Variants in CNNM1 observed in about 807,000 individuals in gnomAD.
CNNM1 encodes the protein metal transporter CNNM1.
CNNM1 carries 44 observed loss-of-function variants against 78.8 expected under a neutral mutation model. The ratio of observed to expected loss-of-function variants is 0.56; its 90% CI spans 0.44 to 0.72. CNNM1 has a LOEUF of 0.72. Among genes scored for constraint, CNNM1 ranks in the 30% least tolerant of loss-of-function variants. CNNM1 has a pLI of 0.00. For missense variants in CNNM1, 1,101 were observed against 1,292.2 expected (o/e 0.85, Z 2.27); for synonymous variants, 584 against 581.5 (o/e 1.00, Z -0.06).
intron 6 of CNNM1, among the ~76,000 whole-genome samples, chr10:99,371,520 C>A (rs777693887): frequency 1.5e-4 from 23 of 152,046 alleles, no homozygotes; most frequent in Non-Finnish European, 3.1e-4. Flanking sequence ...TTTCAGTGCT[C>A]GGTTATCTAT....
chr10:99,331,323 G>T lies in CNNM1; in HGVS notation c.1573+363G>T, dbSNP rs1036958604. Among the ~76,000 whole-genome samples the T allele has an allele frequency of 7.2e-5, 11 of 152,302 alleles. No homozygotes were observed. In the East Asian group the frequency reaches 2.1e-3, roughly 29 times the overall value. On this transcript the variant is annotated intron_variant, in intron 1 of 10. Coordinates refer to ENST00000356713, the MANE Select transcript of CNNM1 (RefSeq NM_020348.3). ...ACCTATTACAGGAGACACCTCTGCA[G>T]GTTCCCATACAAGCAGCCTTTGCTT... is the stretch of plus-strand genomic sequence containing the variant.
At chr10:99,380,458 G>A (rs191004451) in intron 7 of CNNM1, among the ~76,000 whole-genome samples, 13 of 152,288 alleles carry the variant, frequency 8.5e-5, no homozygotes, top group Middle Eastern at 6.8e-3. Flanking sequence ...AATGTGCTAA[G>A]ATGATCACCT....
At chr10:99,336,945 A>G (rs540887672) in intron 1 of CNNM1, among the ~76,000 whole-genome samples, 1 of 152,320 alleles carries the variant, frequency 6.6e-6, no homozygotes, top group South Asian at 2.1e-4. Context: ...TGTCTCAAAA[A>G]AAGAACATAA....
rs563639855 is a variant in CNNM1 at position 99,365,249 on chromosome 10, T to C, written c.2176+247T>C. ...TCACATGGTTGGGGGGATGCAGGGGTTGTGAGGGAAGGCACTGCTTATTGC... is the reference window on the plus strand; with the variant it reads ...TCACATGGTTGGGGGGATGCAGGGGCTGTGAGGGAAGGCACTGCTTATTGC... On this transcript the variant is annotated intron_variant, in intron 6 of 10. Coordinates refer to ENST00000356713, the MANE Select transcript of CNNM1 (RefSeq NM_020348.3). 5.0e-6 allele frequency: 3 copies of C among 602,716 alleles called. No individual in the cohort carries two copies. The East Asian group carries it at 8.5e-5, about 17-fold the overall frequency. 37.3% of individuals were successfully genotyped at this position (602,716 alleles called of 1,614,324 possible). A position where few individuals can be genotyped will look rare whatever the true frequency, so the allele number is the denominator to read the frequency against.
At chr10:99,356,576 G>GAAAAGA (rs374706573) in intron 1 of CNNM1, among the ~76,000 whole-genome samples, 77 of 90,558 alleles carry the variant, frequency 8.5e-4, no homozygotes, top group Non-Finnish European at 1.4e-3. Flanking sequence ...AAGAAAGAAA[G>GAAAAGA]AAAGAAAGAA....
In CNNM1 at chr10:99,393,054, C is replaced by T. The variant is rs1193603036; in HGVS notation, c.*1538C>T. ...AAACTTGGAAGTAAGTGAAATTTGT[C>T]TTCAGAATAACTATCTCCCTTTCTG... On this transcript the variant is annotated 3_prime_UTR_variant, in exon 11 of 11. Coordinates refer to ENST00000356713, the MANE Select transcript of CNNM1 (RefSeq NM_020348.3). The T allele has an allele frequency of 6.6e-6, 1 of 152,166 alleles. No homozygotes were observed. Among genetic ancestry groups the T allele is most frequent in the East Asian group, 1.9e-4 (1 of 5,188 alleles). 9.4% of individuals were successfully genotyped at this position (152,166 alleles called of 1,614,324 possible).
intron 4 of CNNM1, among the ~76,000 whole-genome samples, chr10:99,364,135 C>A (rs573784544): frequency 2.6e-5 from 4 of 152,224 alleles, no homozygotes; most frequent in South Asian, 4.1e-4. Context: ...GGTGCTTAGG[C>A]CTGCATCATG....
chr10:99,358,654 A>G (rs2031313317), intron 2 of CNNM1, among the ~76,000 whole-genome samples: 2 of 152,166 alleles, frequency 1.3e-5, no homozygotes. Flanking sequence ...AAGACAAGCA[A>G]GAGAGTCATG....
Position 99,330,758 on chromosome 10 carries a change from G to A in CNNM1, c.1371G>A (p.Leu457=). Residue 457 remains leucine (L), a synonymous_variant, in exon 1 of 11, where the codon CTG becomes CTA. Transcript: ENST00000356713. ...VLDFATVSEI[L]RSGYTRIPVY... Reference sequence around the variant, plus strand: ...ACTTCGCCACTGTCTCCGAGATCCTGCGCAGCGGCTACACTCGCATCCCAG... The same window carrying A: ...ACTTCGCCACTGTCTCCGAGATCCTACGCAGCGGCTACACTCGCATCCCAG... 6.2e-7 allele frequency: 1 copy of A among 1,614,086 alleles called. No individual in the cohort carries two copies. Among genetic ancestry groups the A allele is most frequent in the Non-Finnish European group, 8.5e-7 (1 of 1,179,968 alleles).
intron 1 of CNNM1, among the ~76,000 whole-genome samples, chr10:99,350,136 C>G (rs1016983631): frequency 1.3e-5 from 2 of 152,166 alleles, no homozygotes; most frequent in Non-Finnish European, 2.9e-5. Flanking sequence ...TGCTGCTACT[C>G]CAAGGAATAC....
chr10:99,390,494 G>A lies in CNNM1; in HGVS notation c.2776+87G>A. 6 of 995,746 alleles carry A rather than the reference G, an allele frequency of 6.0e-6. No homozygotes were observed. In the South Asian group the frequency reaches 8.4e-5, roughly 14 times the overall value. 61.7% of individuals were successfully genotyped at this position (995,746 alleles called of 1,614,324 possible). On this transcript the variant is annotated intron_variant, in intron 10 of 10. Coordinates refer to ENST00000356713, the MANE Select transcript of CNNM1 (RefSeq NM_020348.3). ...TGTTAGCATCTTCCTCTTGGGGGAG[G>A]AGCCATGGACTCCTCTTAGAAACCC...
intron 1 of CNNM1, among the ~76,000 whole-genome samples, chr10:99,331,678 G>A (rs899007922): frequency 2.0e-5 from 3 of 152,144 alleles, no homozygotes; most frequent in Non-Finnish European, 2.9e-5. Flanking sequence ...GCTGCAATGA[G>A]CTGTAATCCC....
At chr10:99,376,982 T>C in intron 6 of CNNM1, 73 bp from the exon 7 acceptor site, 1 of 1,309,308 alleles carries the variant, frequency 7.6e-7, no homozygotes, top group Admixed American at 2.0e-5. Flanking sequence ...CCTCCTTCCC[T>C]GTCTCCCTCC....
chr10:99,368,699 C>T (rs1314092651), intron 6 of CNNM1: 2 of 1,288,798 alleles, frequency 1.6e-6, no homozygotes, highest in East Asian at 5.5e-5. Context: ...GCATGGGTGT[C>T]TCGGGTCTCT....
intron 6 of CNNM1, among the ~76,000 whole-genome samples, chr10:99,367,962 A>G (rs2031679895): frequency 6.6e-6 from 1 of 152,200 alleles, no homozygotes; most frequent in Non-Finnish European, 1.5e-5. Context: ...GGACAATGGA[A>G]CGGAGAGATA....
chr10:99,377,226 C>G lies in CNNM1; in HGVS notation c.2340+8C>G, dbSNP rs368494658. On this transcript the variant is annotated splice_region_variant and intron_variant, in intron 7 of 10. Transcript: ENST00000356713. ...GATGTGCAGTTTGTGAAGGTAACTC[C>G]CCCAGGAAGGTTATCCTCTCCCTCC... 2 of 1,612,844 alleles carry G rather than the reference C, an allele frequency of 1.2e-6. No homozygotes were observed. The highest frequency in any genetic ancestry group is 1.7e-6 in the Non-Finnish European group (2 of 1,179,236).
intron 3 of CNNM1, among the ~76,000 whole-genome samples, chr10:99,361,570 G>A (rs2031435613): frequency 6.6e-6 from 1 of 152,176 alleles, no homozygotes; most frequent in Non-Finnish European, 1.5e-5. Context: ...ATGAGTGCTA[G>A]CACTGTTTTA....
Position 99,329,626 on chromosome 10 carries a change from C to A in CNNM1, c.239C>A (p.Pro80Gln), listed in dbSNP as rs769179313. 1 of 1,505,662 alleles carries A rather than the reference C, an allele frequency of 6.6e-7. No homozygotes were observed. Among genetic ancestry groups the A allele is most frequent in the South Asian group, 1.3e-5 (1 of 79,392 alleles). 93.3% of individuals were successfully genotyped at this position (1,505,662 alleles called of 1,614,324 possible). The change falls in exon 1 of 11, where the codon CCG (proline) becomes CAG (glutamine). Residue 80 changes from proline (P) to glutamine (Q), a missense_variant. Around this residue, in one of 3 missense-constraint regions of CNNM1, gnomAD observed 476 missense variants for 484.5 expected, o/e 0.98. Transcript: ENST00000356713. Reference sequence around the variant, plus strand: ...CTGCGTGTCTATTTCCAGCCAGGACCGCCGGCCACCGCCGCACCGGTGCCC... The same window carrying A: ...CTGCGTGTCTATTTCCAGCCAGGACAGCCGGCCACCGCCGCACCGGTGCCC... ...FLLRVYFQPG[P>Q]PATAAPVPSP... is the part of the protein sequence containing the mutation.
Position 99,393,808 on chromosome 10 carries a change from G to A in CNNM1, c.*2292G>A, listed in dbSNP as rs2134090695. 2.0e-5 allele frequency: 3 copies of A among 152,420 alleles called. No individual in the cohort carries two copies. The South Asian group carries it at 6.2e-4, about 32-fold the overall frequency. 9.4% of individuals were successfully genotyped at this position (152,420 alleles called of 1,614,324 possible). On this transcript the variant is annotated 3_prime_UTR_variant, in exon 11 of 11. Coordinates refer to ENST00000356713, the MANE Select transcript of CNNM1 (RefSeq NM_020348.3). ...GCAGACAGGAGGGCCACAGCGTGTG[G>A]AAGTAAAGACTTTGGAGCTAGAGAA...
Sources: gnomAD v4.1 joint callset for allele counts (sites outside exome capture counted in the v4.1 genomes callset) on GRCh38, gnomAD v4.1.1 for gene constraint, gnomAD v4.1.1 regional missense constraint, MANE v1.5 for transcripts, NCBI Gene and HGNC (gene_info 2026-07-23, HGNC 2026-07-21) for gene names.